HCN1: variants seen among roughly 807,000 people sequenced by gnomAD.
HCN1 encodes the protein hyperpolarization activated cyclic nucleotide gated potassium channel 1, also known as potassium/sodium hyperpolarization-activated cyclic nucleotide-gated channel 1.
A neutral mutation model predicts 78.9 loss-of-function variants in HCN1; 13 were observed. The ratio of observed to expected loss-of-function variants is 0.16; its 90% CI spans 0.11 to 0.26. The LOEUF is 0.26. Among genes scored for constraint, HCN1 ranks in the 10% least tolerant of loss-of-function variants. The probability of loss-of-function intolerance (pLI) is 1.00; values close to 1 mark genes in which losing one functional copy is unlikely to be tolerated. For synonymous variants in HCN1, 552 were observed against 455.5 expected (o/e 1.21, Z -2.70); for missense variants, 810 against 1,154.3 (o/e 0.70, Z 4.32).
intron 4 of HCN1, among the ~76,000 whole-genome samples, chr5:45,383,333 G>C (rs1412618699): frequency 2.0e-5 from 3 of 152,006 alleles, no homozygotes; most frequent in Non-Finnish European, 4.4e-5. Context: ...TTAAACTAAG[G>C]CTTCTGAAAA....
At chr5:45,494,734 T>A (rs1165628694) in intron 2 of HCN1, among the ~76,000 whole-genome samples, 2 of 152,176 alleles carry the variant, frequency 1.3e-5, no homozygotes, top group African/African-American at 4.8e-5. Flanking sequence ...TGGTTTTAGG[T>A]CTAACGTTTA....
At chr5:45,330,708 A>G (rs1484337432) in intron 5 of HCN1, among the ~76,000 whole-genome samples, 4 of 151,084 alleles carry the variant, frequency 2.6e-5, no homozygotes, top group African/African-American at 2.4e-5. Flanking sequence ...TTATTACTCA[A>G]TACAATGTTT....
At chr5:45,391,785 A>T (rs1739564225) in intron 4 of HCN1, among the ~76,000 whole-genome samples, 1 of 152,118 alleles carries the variant, frequency 6.6e-6, no homozygotes. Context: ...CTAAAAAGTG[A>T]TCTGTGTTCA....
At chr5:45,325,318 A>T (rs751592323) in intron 5 of HCN1, among the ~76,000 whole-genome samples, 10 of 151,772 alleles carry the variant, frequency 6.6e-5, no homozygotes, top group Non-Finnish European at 1.2e-4. Flanking sequence ...ACTCCAAGTC[A>T]TAAGCAGTCA....
At chr5:45,432,638 T>C (rs1444104156) in intron 3 of HCN1, among the ~76,000 whole-genome samples, 1 of 152,184 alleles carries the variant, frequency 6.6e-6, no homozygotes, top group Non-Finnish European at 1.5e-5. Flanking sequence ...AGATGGCTCC[T>C]ACTATTTTGA....
chr5:45,360,992 T>TAA (rs1747096333), intron 4 of HCN1, among the ~76,000 whole-genome samples: 3 of 152,118 alleles, frequency 2.0e-5, no homozygotes, highest in African/African-American at 7.2e-5. Context: ...TGTATCTACT[T>TAA]TGCATGGAAA....
At chr5:45,301,415 T>C (rs1270956178) in intron 6 of HCN1, among the ~76,000 whole-genome samples, 1 of 151,136 alleles carries the variant, frequency 6.6e-6, no homozygotes, top group South Asian at 2.1e-4. Flanking sequence ...ATAAAATAGA[T>C]AAAAATGTGA....
intron 2 of HCN1, among the ~76,000 whole-genome samples, chr5:45,566,837 C>T (rs185729417): frequency 2.0e-5 from 3 of 152,196 alleles, no homozygotes; most frequent in East Asian, 3.9e-4. Context: ...TCTTGTGCAA[C>T]GAATAGGAGC....
rs952669019 is a variant in HCN1, at chr5:45,442,151, G to A, written c.1011+19695C>T. 2.0e-5 allele frequency among the ~76,000 whole-genome samples: 3 copies of A among 152,198 alleles called. No homozygotes were observed. In the South Asian group the frequency reaches 6.2e-4, roughly 32 times the overall value. ...AAACCAGTTAAATTCATGTGAAAAG[G>A]AATTCAAATTAGGGCAACAAATCTT... On this transcript the variant is annotated intron_variant, in intron 3 of 7. Transcript: ENST00000303230.
chr5:45,368,073 T>C (rs1561126063), intron 4 of HCN1, among the ~76,000 whole-genome samples: 1 of 151,982 alleles, frequency 6.6e-6, no homozygotes, highest in Non-Finnish European at 1.5e-5. Flanking sequence ...ACTCAAACCA[T>C]AAAGGAACCA....
intron 4 of HCN1, among the ~76,000 whole-genome samples, chr5:45,388,072 C>T (rs1006963977): frequency 2.6e-5 from 4 of 152,084 alleles, no homozygotes; most frequent in African/African-American, 9.7e-5. Context: ...TCTCCATTGC[C>T]TACCAAACCA....
chr5:45,602,362 C>T (rs771278084), intron 2 of HCN1, among the ~76,000 whole-genome samples: 18 of 152,042 alleles, frequency 1.2e-4, no homozygotes, highest in Non-Finnish European at 2.4e-4. Context: ...CACAAAGAGA[C>T]GTCATGGATG....
intron 4 of HCN1, among the ~76,000 whole-genome samples, chr5:45,387,838 C>T (rs751243197): frequency 3.9e-5 from 6 of 152,030 alleles, no homozygotes; most frequent in Non-Finnish European, 8.8e-5. Flanking sequence ...GCATACATAC[C>T]TATGATAAAG....
In HCN1 at chr5:45,442,085, C is replaced by T. The variant is rs149399995; in HGVS notation, c.1011+19761G>A. On this transcript the variant is annotated intron_variant, in intron 3 of 7. Coordinates refer to ENST00000303230, the MANE Select transcript of HCN1 (RefSeq NM_021072.4). ...CTAGGCTTGATCTGTCAGACATAAG[C>T]TGTTTGATAATTTATCATATTATTA... Among the ~76,000 whole-genome samples, 1,127 of 152,198 alleles carry T rather than the reference C, an allele frequency of 7.4e-3. 28 individuals are homozygous for T. Among genetic ancestry groups the T allele is most frequent in the Admixed American group, 0.048 (730 of 15,284 alleles).
chr5:45,590,361 C>G (rs1014725404), intron 2 of HCN1, among the ~76,000 whole-genome samples: 1 of 152,128 alleles, frequency 6.6e-6, no homozygotes, highest in Non-Finnish European at 1.5e-5. Flanking sequence ...TCCCATCTAC[C>G]CACTGCCCTC....
chr5:45,272,313 T>A (rs1744975890), intron 6 of HCN1, among the ~76,000 whole-genome samples: 1 of 152,068 alleles, frequency 6.6e-6, no homozygotes, highest in African/African-American at 2.4e-5. Context: ...AAAAAATTAG[T>A]CATCTGTAGC....
At chr5:45,415,755 C>T (rs1307224597) in intron 3 of HCN1, among the ~76,000 whole-genome samples, 1 of 152,000 alleles carries the variant, frequency 6.6e-6, no homozygotes, top group African/African-American at 2.4e-5. Context: ...GATTGCTGTA[C>T]CGTCTGTTTA....
At chr5:45,616,233 T>G (rs1273577293) in intron 2 of HCN1, among the ~76,000 whole-genome samples, 3 of 151,918 alleles carry the variant, frequency 2.0e-5, no homozygotes, top group Non-Finnish European at 4.4e-5. Context: ...ACTGTGGGCA[T>G]AACGTGATAA....
chr5:45,278,728 AATG>A (rs1301733522), intron 6 of HCN1, among the ~76,000 whole-genome samples: 1 of 152,008 alleles, frequency 6.6e-6, no homozygotes, highest in African/African-American at 2.4e-5. Flanking sequence ...AAGCAATGAT[AATG>A]ATAAGAAAAT....
Sources: gnomAD v4.1 joint callset for allele counts (sites outside exome capture counted in the v4.1 genomes callset) on GRCh38, gnomAD v4.1.1 for gene constraint, MANE v1.5 for transcripts, NCBI Gene and HGNC (gene_info 2026-07-23, HGNC 2026-07-21) for gene names.